Variants in ZNF143 observed in about 807,000 individuals in gnomAD.
ZNF143 encodes the protein SPH-binding factor.
In ZNF143, 49 loss-of-function variants were observed where a neutral mutation model predicts 74.1. That is an observed-to-expected ratio of 0.66 (90% CI 0.53 to 0.84). The LOEUF (loss-of-function observed/expected upper bound fraction) is 0.84, where lower values mean the gene tolerates loss of function less well. ZNF143 is among the 40% of genes least tolerant of loss of function. The pLI, the probability that ZNF143 is intolerant of heterozygous loss-of-function variation, is 0.00. For missense variants in ZNF143, 637 were observed against 793.4 expected, an observed-to-expected ratio of 0.80 and a Z score of 2.37; for synonymous variants, 304 against 282.8, an observed-to-expected ratio of 1.07 and a Z score of -0.75.
At chr11:9,496,216 A>G (rs1023485963) in intron 8 of ZNF143, 87 bp from the exon 9 acceptor site, 3 of 1,107,686 alleles carry the variant, frequency 2.7e-6, no homozygotes, top group African/African-American at 3.1e-5. Flanking sequence ...ATCATTTAGC[A>G]GTGTGGGAAA....
In ZNF143 at chr11:9,492,203, C is replaced by T. The variant is rs539941697; in HGVS notation, c.646-2443C>T. Among the ~76,000 whole-genome samples, 13 of 151,588 alleles carry T rather than the reference C, an allele frequency of 8.6e-5. No individual in the cohort carries two copies. In the South Asian group the frequency reaches 1.3e-3, roughly 15 times the overall value. On this transcript the variant is annotated intron_variant, in intron 7 of 15. Coordinates refer to ENST00000396602, the MANE Select transcript of ZNF143 (RefSeq NM_003442.6). ...TTGGCTCACTGCTTCTTCTGCCTCC[C>T]GGGTTCAAGCAATTCTCCTGCCGCA... is the stretch of plus-strand genomic sequence containing the variant.
chr11:9,476,306 G>A (rs192546081), intron 5 of ZNF143, among the ~76,000 whole-genome samples: 1 of 152,188 alleles, frequency 6.6e-6, no homozygotes, highest in East Asian at 1.9e-4. Context: ...AACCGTGCTT[G>A]TCTCATACTA....
intron 1 of ZNF143, chr11:9,461,530 G>C (rs947229310): frequency 6.6e-6 from 1 of 152,172 alleles, no homozygotes; most frequent in Non-Finnish European, 1.5e-5. Flanking sequence ...CGCAGCGGGG[G>C]CGCCGGGGAC....
In ZNF143 at chr11:9,486,142, T is replaced by C. The variant is rs146673119; in HGVS notation, c.645+6596T>C. Among the ~76,000 whole-genome samples the C allele has an allele frequency of 1.5e-3, 222 of 149,032 alleles. 9 individuals are homozygous for C. Among genetic ancestry groups the C allele is most frequent in the African/African-American group, 5.0e-3 (196 of 39,488 alleles). On this transcript the variant is annotated intron_variant, in intron 7 of 15. Coordinates refer to ENST00000396602, the MANE Select transcript of ZNF143 (RefSeq NM_003442.6). ...TAAATCATAGTTGATATTGAATTCATTGGATAGCCATGGGGGCCAATTAGA... is the reference window on the plus strand; with the variant it reads ...TAAATCATAGTTGATATTGAATTCACTGGATAGCCATGGGGGCCAATTAGA...
chr11:9,471,269 C>A (rs1199310517), intron 1 of ZNF143, 33 bp from the exon 2 acceptor site: 1 of 1,527,328 alleles, frequency 6.5e-7, no homozygotes, highest in East Asian at 2.3e-5. Context: ...ATGTATCATT[C>A]TTTGTTCCCA....
At chr11:9,471,528 A>C in intron 2 of ZNF143, 108 bp downstream of exon 2, 1 of 728,438 alleles carries the variant, frequency 1.4e-6, no homozygotes, top group Non-Finnish European at 2.1e-6. Context: ...ATATAAACCT[A>C]GGTCTTTTTA....
In ZNF143 at chr11:9,493,303, C is replaced by T. The variant is rs181652939; in HGVS notation, c.646-1343C>T. 5.3e-5 allele frequency among the ~76,000 whole-genome samples: 8 copies of T among 152,160 alleles called. No individual in the cohort carries two copies. In the East Asian group the frequency reaches 1.4e-3, roughly 26 times the overall value. On this transcript the variant is annotated intron_variant, in intron 7 of 15. Transcript: ENST00000396602. Reference sequence around the variant, plus strand: ...GCCAGGATGGTCTCGATCTCTTGACCTTGTGACCCGCCCGCCTCGGCCTCA... The same window carrying T: ...GCCAGGATGGTCTCGATCTCTTGACTTTGTGACCCGCCCGCCTCGGCCTCA...
chr11:9,486,327 A>G (rs1847469331), intron 7 of ZNF143, among the ~76,000 whole-genome samples: 1 of 100,572 alleles, frequency 9.9e-6, no homozygotes. Flanking sequence ...TAATGGTCCT[A>G]GGCGCTAATT....
chr11:9,487,730 T>G (rs1265719341), intron 7 of ZNF143, among the ~76,000 whole-genome samples: 1 of 152,250 alleles, frequency 6.6e-6, no homozygotes, highest in Non-Finnish European at 1.5e-5. Context: ...ACATGGTTTT[T>G]AGAAGCTGAT....
At chr11:9,471,193 C>A in intron 1 of ZNF143, 109 bp from the exon 2 acceptor site, 1 of 870,338 alleles carries the variant, frequency 1.1e-6, no homozygotes, top group Non-Finnish European at 1.7e-6. Context: ...CATCTTATTT[C>A]CAACACCATT....
chr11:9,467,723 T>G (rs1856326019), intron 1 of ZNF143, among the ~76,000 whole-genome samples: 1 of 151,806 alleles, frequency 6.6e-6, no homozygotes, highest in Non-Finnish European at 1.5e-5. Flanking sequence ...GGTGTGCGCC[T>G]GTAATCCCAG....
chr11:9,465,799 AGTTTTTT>A (rs1185897527), intron 1 of ZNF143, among the ~76,000 whole-genome samples: 4 of 151,542 alleles, frequency 2.6e-5, no homozygotes, highest in Admixed American at 2.0e-4. Flanking sequence ...TGCAAGGAAA[AGTTTTTT>A]GTTTTTTGTT....
At chr11:9,463,010 C>G (rs992723661) in intron 1 of ZNF143, among the ~76,000 whole-genome samples, 1 of 152,196 alleles carries the variant, frequency 6.6e-6, no homozygotes. Flanking sequence ...TCCCCTCCAC[C>G]CCACTACTAG....
chr11:9,494,528 C>T (rs1405852819), intron 7 of ZNF143, 118 bp from the exon 8 acceptor site: 1 of 991,794 alleles, frequency 1.0e-6, no homozygotes, highest in Admixed American at 2.7e-5. Flanking sequence ...CCAGGCTGCT[C>T]TTGAACTCCT....
intron 7 of ZNF143, among the ~76,000 whole-genome samples, chr11:9,488,507 T>G (rs1417002150): frequency 2.0e-5 from 3 of 152,148 alleles, no homozygotes; most frequent in Non-Finnish European, 4.4e-5. Context: ...TACTATTCCT[T>G]CTGCCTAGAC....
At chr11:9,486,454 TTATATATA>T (rs1554964479) in intron 7 of ZNF143, among the ~76,000 whole-genome samples, 1 of 72,168 alleles carries the variant, frequency 1.4e-5, no homozygotes, top group Admixed American at 2.3e-4. Context: ...ATTATATATA[TTATATATA>T]TATAAAAGCC....
chr11:9,473,427 C>G (rs1287974092), intron 3 of ZNF143, among the ~76,000 whole-genome samples: 2 of 150,912 alleles, frequency 1.3e-5, no homozygotes, highest in African/African-American at 4.9e-5. Flanking sequence ...TTTTGCTTAT[C>G]TGACATTGTC....
intron 2 of ZNF143, 43 bp downstream of exon 2, chr11:9,471,463 T>C: frequency 7.0e-7 from 1 of 1,429,412 alleles, no homozygotes; most frequent in South Asian, 1.4e-5. Flanking sequence ...AAATATCATT[T>C]ATCTTAAAAG....
intron 7 of ZNF143, among the ~76,000 whole-genome samples, chr11:9,484,898 C>T (rs947590233): frequency 1.4e-5 from 2 of 148,082 alleles, no homozygotes; most frequent in Non-Finnish European, 3.0e-5. Context: ...CCCGGGTTCA[C>T]GCCATTCTCC....
Sources: allele counts gnomAD v4.1 joint callset (sites outside exome capture counted in the v4.1 genomes callset), GRCh38; gene constraint gnomAD v4.1.1; transcripts MANE v1.5; gene names NCBI Gene and HGNC (gene_info 2026-07-23, HGNC 2026-07-21).